ERC1: variants seen among roughly 807,000 people sequenced by gnomAD.
ERC1 encodes RAB6 interacting protein 2.
ERC1 carries 56 observed loss-of-function variants against 132.0 expected under a neutral mutation model. That is an observed-to-expected ratio of 0.42 (90% CI 0.34 to 0.53). ERC1 has a LOEUF of 0.53. ERC1 is among the 20% of genes least tolerant of loss of function. The pLI is 0.03. For synonymous variants in ERC1, 478 were observed against 476.1 expected (o/e 1.00, Z -0.05); for missense variants, 1,202 against 1,349.9 (o/e 0.89, Z 1.72).
At chr12:1,465,066 G>A (rs952384924) in intron 18 of ERC1, among the ~76,000 whole-genome samples, 3 of 152,274 alleles carry the variant, frequency 2.0e-5, no homozygotes, top group African/African-American at 7.2e-5. Flanking sequence ...CCTGCAGGAA[G>A]AATTATTTAC....
Position 1,094,496 on chromosome 12 carries a change from C to T in ERC1, c.1087-10254C>T, listed in dbSNP as rs150139080. On this transcript the variant is annotated intron_variant, in intron 3 of 18. Transcript: ENST00000360905. ...TGCGATCTCAGCTCACCTCAACCTC[C>T]GCCACCTGGGTTCAAGTGATTCTCC... Among the ~76,000 whole-genome samples the T allele has an allele frequency of 6.3e-3, 951 of 151,306 alleles. 8 individuals carry two copies. The highest frequency in any genetic ancestry group is 0.021 in the African/African-American group (873 of 41,330).
At chr12:1,206,902 A>G (rs1241001464) in intron 12 of ERC1, among the ~76,000 whole-genome samples, 7 of 152,122 alleles carry the variant, frequency 4.6e-5, no homozygotes, top group African/African-American at 1.7e-4. Context: ...CAGAGGTTGC[A>G]CATTTTTTGT....
intron 15 of ERC1, among the ~76,000 whole-genome samples, chr12:1,303,642 A>T (rs1422075614): frequency 2.7e-5 from 4 of 150,720 alleles, no homozygotes; most frequent in African/African-American, 9.8e-5. Context: ...CCATCTCAAA[A>T]AAAAAAATAA....
chr12:1,103,688 G>A (rs1181720564), intron 3 of ERC1, among the ~76,000 whole-genome samples: 2 of 152,150 alleles, frequency 1.3e-5, no homozygotes, highest in Non-Finnish European at 2.9e-5. Flanking sequence ...GTAACAGGAA[G>A]GATGGAGCAG....
At position 1,004,316 on chromosome 12, in the gene ERC1, C is replaced by G. The variant is rs891630838; in HGVS notation, c.-157+12994C>G. Among the ~76,000 whole-genome samples, 66 of 152,036 alleles carry G rather than the reference C, an allele frequency of 4.3e-4. 1 individual carries two copies. The highest frequency in any genetic ancestry group is 3.4e-3 in the Middle Eastern group (1 of 292). On this transcript the variant is annotated intron_variant, in intron 1 of 18. Transcript: ENST00000360905. ...TTCGTATCTATTGGATGCTTCCCCC[C>G]CTTTCAACCCATTATTATGGCCAGT...
At chr12:1,276,717 A>G (rs947174808) in intron 14 of ERC1, among the ~76,000 whole-genome samples, 32 of 152,182 alleles carry the variant, frequency 2.1e-4, no homozygotes, top group African/African-American at 6.8e-4. Flanking sequence ...CTCAGCGTCT[A>G]CCATTGCACC....
At chr12:1,481,967 C>A (rs79647186) in intron 18 of ERC1, among the ~76,000 whole-genome samples, 5,678 of 152,214 alleles carry the variant, frequency 0.037, 144 homozygotes, top group Non-Finnish European at 0.049. Flanking sequence ...ATGATTCTTT[C>A]AGCTTCTTAG....
intron 16 of ERC1, among the ~76,000 whole-genome samples, chr12:1,407,123 G>C (rs1466191325): frequency 1.3e-5 from 2 of 152,092 alleles, no homozygotes; most frequent in Non-Finnish European, 2.9e-5. Flanking sequence ...CACTCACACA[G>C]AATCACTAAT....
rs56749397 is a variant in ERC1 at position 1,440,600 on chromosome 12, T to TTGTGTGTGTGTGTGTG, written c.3025-3909_3025-3894dup. ...TAAGCAATCCCCCTGCCTCAGCCTT[T>TTGTGTGTGTGTGTGTG]TGTGTGTGTGTGTGTGTGTGTGTGT... is the stretch of plus-strand genomic sequence containing the variant. On this transcript the variant is annotated intron_variant, in intron 17 of 18. Coordinates refer to ENST00000360905, the MANE Select transcript of ERC1 (RefSeq NM_178040.4). Among the ~76,000 whole-genome samples, 13 of 51,158 alleles carry TTGTGTGTGTGTGTGTG rather than the reference T, an allele frequency of 2.5e-4. 1 individual carries two copies. Among genetic ancestry groups the TTGTGTGTGTGTGTGTG allele is most frequent in the Admixed American group, 1.9e-3 (8 of 4,124 alleles). 33.6% of individuals were successfully genotyped at this position (51,158 alleles called of 152,430 possible).
intron 9 of ERC1, 91 bp downstream of exon 9, chr12:1,180,768 C>A: frequency 1.3e-6 from 2 of 1,497,582 alleles, no homozygotes; most frequent in Non-Finnish European, 1.8e-6. Flanking sequence ...TCCCTGTGGG[C>A]ACAAGGGAAA....
At chr12:1,457,996 G>A (rs531649607) in intron 18 of ERC1, among the ~76,000 whole-genome samples, 2 of 152,356 alleles carry the variant, frequency 1.3e-5, no homozygotes, top group South Asian at 2.1e-4. Context: ...GGTGCCAAGT[G>A]TTCAACTGAT....
chr12:1,388,868 A>T (rs1026082295), intron 16 of ERC1, among the ~76,000 whole-genome samples: 3 of 152,210 alleles, frequency 2.0e-5, no homozygotes, highest in African/African-American at 7.2e-5. Context: ...TTAGTGCCTT[A>T]ACACAGTAAA....
At chr12:1,082,583 C>G (rs1468289671) in intron 2 of ERC1, among the ~76,000 whole-genome samples, 1 of 149,252 alleles carries the variant, frequency 6.7e-6, no homozygotes, top group Non-Finnish European at 1.5e-5. Flanking sequence ...TCCCACCTCT[C>G]AAGTTCAAGC....
intron 17 of ERC1, among the ~76,000 whole-genome samples, chr12:1,433,156 T>G (rs908857317): frequency 6.6e-6 from 1 of 152,220 alleles, no homozygotes. Flanking sequence ...GATTATAAGA[T>G]GCAGAGGATC....
chr12:1,009,376 G>T (rs1336082610), intron 1 of ERC1, among the ~76,000 whole-genome samples: 1 of 151,968 alleles, frequency 6.6e-6, no homozygotes, highest in Admixed American at 6.6e-5. Flanking sequence ...GGGTTTCACC[G>T]TGTTAGCCAG....
chr12:1,484,030 G>A (rs1208940549), intron 18 of ERC1, among the ~76,000 whole-genome samples: 5 of 150,952 alleles, frequency 3.3e-5, no homozygotes, highest in Admixed American at 1.3e-4. Flanking sequence ...TTCCAGCCGG[G>A]CGTGGTGGCT....
intron 7 of ERC1, among the ~76,000 whole-genome samples, chr12:1,132,319 T>G (rs1948843376): frequency 6.6e-6 from 1 of 152,044 alleles, no homozygotes; most frequent in Non-Finnish European, 1.5e-5. Flanking sequence ...GACGGGCAGT[T>G]TCTGTTCCTA....
intron 14 of ERC1, among the ~76,000 whole-genome samples, chr12:1,276,408 TTTG>T (rs750620814): frequency 2.1e-4 from 32 of 152,034 alleles, no homozygotes; most frequent in Admixed American, 9.2e-4. Flanking sequence ...CAGCTAATTT[TTTG>T]TTATTTTTAG....
At chr12:1,398,160 T>C (rs2090700909) in intron 16 of ERC1, among the ~76,000 whole-genome samples, 1 of 152,032 alleles carries the variant, frequency 6.6e-6, no homozygotes, top group South Asian at 2.1e-4. Flanking sequence ...GTTTTTGTAT[T>C]TTTTGTAGAG....
Sources: allele counts gnomAD v4.1 joint callset (sites outside exome capture counted in the v4.1 genomes callset), GRCh38; gene constraint gnomAD v4.1.1; transcripts MANE v1.5; gene names NCBI Gene and HGNC (gene_info 2026-07-23, HGNC 2026-07-21).